ALOXE3: variants seen among roughly 807,000 people sequenced by gnomAD.
ALOXE3 encodes the protein arachidonate epidermal lipoxygenase 3, also known as hydroperoxide isomerase ALOXE3.
A neutral mutation model predicts 87.5 loss-of-function variants in ALOXE3; 78 were observed. The observed-to-expected ratio is 0.89, with a 90% CI of 0.74 to 1.08. The LOEUF (loss-of-function observed/expected upper bound fraction) is 1.08. ALOXE3 is among the 50% of genes least tolerant of loss of function. The pLI, the probability that ALOXE3 is intolerant of heterozygous loss-of-function variation, is 0.00. For synonymous variants in ALOXE3, 363 were observed against 370.8 expected (o/e 0.98, Z 0.24); for missense variants, 946 against 912.4 (o/e 1.04, Z -0.47).
chr17:8,111,778 G>A (rs967782795), intron 7 of ALOXE3, among the ~76,000 whole-genome samples: 1 of 152,130 alleles, frequency 6.6e-6, no homozygotes, highest in Non-Finnish European at 1.5e-5. Context: ...CGGAGCACTT[G>A]GTGGTTGGAG....
chr17:8,099,660 C>CAA (rs765798080), intron 15 of ALOXE3, among the ~76,000 whole-genome samples: 31 of 108,006 alleles, frequency 2.9e-4, no homozygotes, highest in African/African-American at 3.5e-4. Flanking sequence ...GACTCTGTCT[C>CAA]AAAAAAAAAA....
chr17:8,117,444 G>A (rs576673703), intron 2 of ALOXE3, among the ~76,000 whole-genome samples: 4 of 152,278 alleles, frequency 2.6e-5, no homozygotes, highest in African/African-American at 7.2e-5. Flanking sequence ...AAAGGTGCCC[G>A]AGCACAGTGG....
chr17:8,103,520 T>G, intron 14 of ALOXE3, 27 bp from the exon 15 acceptor site: 1 of 1,612,792 alleles, frequency 6.2e-7, no homozygotes, highest in Non-Finnish European at 8.5e-7. Context: ...CCCAGTTGGG[T>G]CAGTTGGCCA....
chr17:8,105,951 G>C lies in ALOXE3; in HGVS notation c.1685-1736C>G, dbSNP rs992953163. Among the ~76,000 whole-genome samples the C allele has an allele frequency of 2.8e-4, 42 of 149,770 alleles. 1 individual carries two copies. Among genetic ancestry groups the C allele is most frequent in the Non-Finnish European group, 2.4e-4 (16 of 67,646 alleles). On this transcript the variant is annotated intron_variant, in intron 13 of 15. Coordinates refer to ENST00000448843, the MANE Select transcript of ALOXE3 (RefSeq NM_021628.3). ...AAAAAAAAAAAAGCCAGAGTAGGAAGGCACGGGGTATTAACAGGGTGAGGG... is the reference window on the plus strand; with the variant it reads ...AAAAAAAAAAAAGCCAGAGTAGGAACGCACGGGGTATTAACAGGGTGAGGG...
At chr17:8,098,187 G>T (rs1179112501) in intron 15 of ALOXE3, among the ~76,000 whole-genome samples, 1 of 150,184 alleles carries the variant, frequency 6.7e-6, no homozygotes, top group Non-Finnish European at 1.5e-5. Flanking sequence ...AGACATCTAT[G>T]GTCTCACCAT....
intron 5 of ALOXE3, 148 bp from the exon 6 acceptor site, chr17:8,114,757 A>G: frequency 1.4e-6 from 2 of 1,474,264 alleles, no homozygotes; most frequent in Admixed American, 3.4e-5. Flanking sequence ...CTGAGCTAAA[A>G]TAACCTCCTC....
At position 8,109,941 on chromosome 17, in the gene ALOXE3, A is replaced by G; in HGVS notation, c.1367T>C (p.Leu456Pro). Residue 456 changes from leucine to proline, a missense_variant, in exon 11 of 16, where the codon CTC becomes CCC. By Grantham distance (98) the Leu-to-Pro change is moderately conservative. Transcript: ENST00000448843. ...CTGGTCCACGAGGCCCTCGGGGTTGAGCAGCGTGGCCCTCGCGATGGTGTT... is the reference window on the plus strand; with the variant it reads ...CTGGTCCACGAGGCCCTCGGGGTTGGGCAGCGTGGCCCTCGCGATGGTGTT... ...QVNTIARATLLNPEGLVDQVT... is the reference protein window; with the variant it reads ...QVNTIARATLPNPEGLVDQVT... 6.4e-7 allele frequency: 1 copy of G among 1,551,088 alleles called. No homozygotes were observed. Among genetic ancestry groups the G allele is most frequent in the Non-Finnish European group, 8.7e-7 (1 of 1,146,770 alleles).
intron 4 of ALOXE3, 111 bp from the exon 5 acceptor site, chr17:8,115,168 A>G (rs1189981252): frequency 2.1e-6 from 3 of 1,423,008 alleles, no homozygotes; most frequent in South Asian, 1.2e-5. Context: ...TACTTTCTGG[A>G]TGAGTGACAA....
At chr17:8,107,006 T>C (rs1979366798) in intron 13 of ALOXE3, among the ~76,000 whole-genome samples, 1 of 152,230 alleles carries the variant, frequency 6.6e-6, no homozygotes, top group Non-Finnish European at 1.5e-5. Flanking sequence ...AGAGCTGTTG[T>C]CAATCTGAAG....
intron 13 of ALOXE3, among the ~76,000 whole-genome samples, chr17:8,105,433 T>TC (rs1358925944): frequency 6.6e-6 from 1 of 152,186 alleles, no homozygotes; most frequent in African/African-American, 2.4e-5. Flanking sequence ...ACACACTGTA[T>TC]CCCCTGATGC....
In ALOXE3 at chr17:8,115,659, G is replaced by A; in HGVS notation, c.382C>T (p.Leu128Phe). 6.2e-7 allele frequency: 1 copy of A among 1,613,910 alleles called. No homozygotes were observed. Among genetic ancestry groups the A allele is most frequent in the Non-Finnish European group, 8.5e-7 (1 of 1,179,786 alleles). ...ARTICQDSLPLLLDHRTRELR... is the reference protein window; with the variant it reads ...ARTICQDSLPFLLDHRTRELR... ...TCCCGTGTCCTGTGATCCAGGAGGA[G>A]GGGAAGAGAGTCCTGACAAATAGTT... The change falls in exon 4 of 16, where the codon CTC (leucine) becomes TTC (phenylalanine). Residue 128 changes from leucine to phenylalanine, a missense_variant. Coordinates refer to ENST00000448843, the MANE Select transcript of ALOXE3 (RefSeq NM_021628.3).
At chr17:8,109,430 A>C in intron 11 of ALOXE3, 87 bp from the exon 12 acceptor site, 1 of 1,544,558 alleles carries the variant, frequency 6.5e-7, no homozygotes, top group Non-Finnish European at 8.8e-7. Context: ...GACTCGGCCC[A>C]AGGAGGGCCT....
chr17:8,106,667 A>C (rs1000236166), intron 13 of ALOXE3, among the ~76,000 whole-genome samples: 7 of 152,106 alleles, frequency 4.6e-5, no homozygotes, highest in Non-Finnish European at 8.8e-5. Flanking sequence ...CTCTACTAAA[A>C]ATACAAAAAT....
At chr17:8,112,861 C>A (rs987758142) in intron 6 of ALOXE3, among the ~76,000 whole-genome samples, 2 of 152,042 alleles carry the variant, frequency 1.3e-5, no homozygotes, top group Non-Finnish European at 2.9e-5. Flanking sequence ...GAGACACAAT[C>A]ATAGCTCACT....
chr17:8,098,976 G>A, intron 15 of ALOXE3, among the ~76,000 whole-genome samples: 2 of 151,392 alleles, frequency 1.3e-5, no homozygotes, highest in Non-Finnish European at 2.9e-5. Context: ...TCAGCCACCC[G>A]AGTAGCTGGG....
intron 15 of ALOXE3, among the ~76,000 whole-genome samples, chr17:8,097,500 C>T (rs951993919): frequency 2.0e-5 from 3 of 152,186 alleles, no homozygotes; most frequent in Admixed American, 6.5e-5. Flanking sequence ...AATCAACCAT[C>T]GTGATGGAAC....
Position 8,103,732 on chromosome 17 carries a change from G to T in ALOXE3, c.1786-239C>A, listed in dbSNP as rs565198979. 3.4e-4 allele frequency among the ~76,000 whole-genome samples: 51 copies of T among 151,970 alleles called. No individual in the cohort carries two copies. The South Asian group carries it at 0.011, about 32-fold the overall frequency. On this transcript the variant is annotated intron_variant, in intron 14 of 15. Coordinates refer to ENST00000448843, the MANE Select transcript of ALOXE3 (RefSeq NM_021628.3). ...GCCAGCTTACTCCTTGTCACTCCCC[G>T]CCCAGTGTTCCAGGACTCGGTGGGG...
chr17:8,109,016 T>C (rs1979761090), intron 12 of ALOXE3, among the ~76,000 whole-genome samples, 158 bp downstream of exon 12: 1 of 152,172 alleles, frequency 6.6e-6, no homozygotes, highest in South Asian at 2.1e-4. Flanking sequence ...CTACCTGCCA[T>C]TTCAGAAGGG....
intron 15 of ALOXE3, among the ~76,000 whole-genome samples, chr17:8,098,234 G>GTTTTTTTTTTTTTTTTTTTTTTT (rs71159546): frequency 1.1e-5 from 1 of 87,484 alleles, no homozygotes; most frequent in Non-Finnish European, 2.2e-5. Context: ...TTTGGTTTTT[G>GTTTTTTTTTTTTTTTTTTTTTTT]TTTTTTTTTT....
Sources: gnomAD v4.1 joint callset for allele counts (sites outside exome capture counted in the v4.1 genomes callset) on GRCh38, gnomAD v4.1.1 for gene constraint, MANE v1.5 for transcripts, NCBI Gene and HGNC (gene_info 2026-07-23, HGNC 2026-07-21) for gene names.